Variants in LHPP observed in about 807,000 individuals in gnomAD.
The protein encoded by LHPP is phospholysine phosphohistidine inorganic pyrophosphate phosphatase, also known as hLHPP.
A neutral mutation model predicts 30.3 loss-of-function variants in LHPP; 24 were observed. The observed-to-expected ratio is 0.79, with a 90% CI of 0.57 to 1.11. The LOEUF (loss-of-function observed/expected upper bound fraction) is 1.11, where lower values mean the gene tolerates loss of function less well. LHPP is among the 50% of genes most tolerant of loss of function. LHPP has a pLI of 0.00. For synonymous variants in LHPP, 150 were observed against 157.1 expected, an observed-to-expected ratio of 0.95 and a Z score of 0.34; for missense variants, 356 against 367.2, an observed-to-expected ratio of 0.97 and a Z score of 0.25.
chr10:124,559,579 G>A (rs143330993), intron 6 of LHPP, among the ~76,000 whole-genome samples: 2 of 152,398 alleles, frequency 1.3e-5, no homozygotes, highest in Non-Finnish European at 1.5e-5. Flanking sequence ...GGCTGGTGAG[G>A]CCCAGAGTGT....
intron 6 of LHPP, among the ~76,000 whole-genome samples, chr10:124,600,541 C>T (rs1194820894): frequency 6.6e-6 from 1 of 152,260 alleles, no homozygotes; most frequent in Non-Finnish European, 1.5e-5. Flanking sequence ...AGGAAATTCT[C>T]TGTATCTGGG....
intron 6 of LHPP, among the ~76,000 whole-genome samples, chr10:124,564,584 A>G (rs1015862860): frequency 3.4e-4 from 52 of 152,276 alleles, no homozygotes; most frequent in African/African-American, 1.2e-3. Flanking sequence ...CTGTCTGAAC[A>G]TCAGTCTCCT....
chr10:124,545,183 C>A (rs947483595), intron 6 of LHPP, among the ~76,000 whole-genome samples: 4 of 152,210 alleles, frequency 2.6e-5, no homozygotes, highest in Non-Finnish European at 5.9e-5. Context: ...TGTGCGGCTC[C>A]CTCCAGATGG....
At chr10:124,546,426 G>A (rs1381204515) in intron 6 of LHPP, among the ~76,000 whole-genome samples, 5 of 151,688 alleles carry the variant, frequency 3.3e-5, no homozygotes, top group Admixed American at 6.6e-5. Flanking sequence ...TTTTTGAGAC[G>A]GAGTCTCACT....
At chr10:124,531,095 C>T (rs142464004) in intron 6 of LHPP, among the ~76,000 whole-genome samples, 241 of 152,318 alleles carry the variant, frequency 1.6e-3, no homozygotes, top group African/African-American at 4.7e-3. Context: ...ATGCTGTCTG[C>T]GCCCTTCACC....
At chr10:124,488,363 G>T (rs1953404426) in intron 2 of LHPP, 59 bp from the exon 3 acceptor site, 1 of 1,488,794 alleles carries the variant, frequency 6.7e-7, no homozygotes, top group South Asian at 1.2e-5. Context: ...TAGGAGATGG[G>T]GAGGTAGGCC....
At chr10:124,513,462 CTTTTTTTTT>C (rs34225779) in intron 5 of LHPP, among the ~76,000 whole-genome samples, 1 of 92,218 alleles carries the variant, frequency 1.1e-5, no homozygotes, top group Non-Finnish European at 1.9e-5. Context: ...ATTATTATTA[CTTTTTTTTT>C]TTTTTTTTTT....
chr10:124,602,579 G>A (rs778237826), intron 6 of LHPP, among the ~76,000 whole-genome samples: 6 of 150,426 alleles, frequency 4.0e-5, no homozygotes, highest in Non-Finnish European at 7.4e-5. Context: ...AGGGCTCAGA[G>A]CCCTGGGGGA....
chr10:124,547,879 C>T (rs1955392265), intron 6 of LHPP, among the ~76,000 whole-genome samples: 2 of 152,240 alleles, frequency 1.3e-5, no homozygotes, highest in African/African-American at 4.8e-5. Flanking sequence ...TGGCTTGTAA[C>T]AGTGAGTGGA....
chr10:124,580,915 C>T (rs984332922), intron 6 of LHPP, among the ~76,000 whole-genome samples: 12 of 152,122 alleles, frequency 7.9e-5, no homozygotes, highest in Admixed American at 2.0e-4. Flanking sequence ...GACGGGGTTT[C>T]GCCATGTTGG....
At chr10:124,549,272 T>TA (rs998892183) in intron 6 of LHPP, among the ~76,000 whole-genome samples, 13 of 151,934 alleles carry the variant, frequency 8.6e-5, no homozygotes, top group African/African-American at 2.9e-4. Flanking sequence ...TCTGTCTCTA[T>TA]AAAAAAATAA....
intron 6 of LHPP, among the ~76,000 whole-genome samples, chr10:124,525,419 C>G (rs1215474391): frequency 6.6e-6 from 1 of 152,228 alleles, no homozygotes; most frequent in Non-Finnish European, 1.5e-5. Flanking sequence ...TTTATGCCCC[C>G]ACCACGGGGG....
At chr10:124,520,788 G>A (rs559046319) in intron 6 of LHPP, among the ~76,000 whole-genome samples, 4 of 152,302 alleles carry the variant, frequency 2.6e-5, no homozygotes, top group African/African-American at 9.6e-5. Context: ...ACACAGTAGC[G>A]GCGAGCCGCA....
chr10:124,564,852 C>T (rs1483337529), intron 6 of LHPP, among the ~76,000 whole-genome samples: 1 of 152,192 alleles, frequency 6.6e-6, no homozygotes, highest in Non-Finnish European at 1.5e-5. Flanking sequence ...GAATTAACAG[C>T]ATTTGCAATG....
chr10:124,557,729 C>T (rs1380988179), intron 6 of LHPP, among the ~76,000 whole-genome samples: 1 of 152,048 alleles, frequency 6.6e-6, no homozygotes, highest in Non-Finnish European at 1.5e-5. Flanking sequence ...TTGGTGGAGT[C>T]ACATGATGCC....
intron 6 of LHPP, among the ~76,000 whole-genome samples, chr10:124,549,437 CAA>C (rs771160755): frequency 1.4e-4 from 17 of 122,870 alleles, no homozygotes; most frequent in Non-Finnish European, 1.4e-4. Context: ...GACCCTGTCT[CAA>C]AAAAAAAAAA....
At position 124,510,052 on chromosome 10, in the gene LHPP, G is replaced by A. The variant is rs914259103; in HGVS notation, c.625-7128G>A. Among the ~76,000 whole-genome samples, 16 of 151,986 alleles carry A rather than the reference G, an allele frequency of 1.1e-4. No individual in the cohort carries two copies. Among genetic ancestry groups the A allele is most frequent in the East Asian group, 1.9e-4 (1 of 5,174 alleles). ...GGACACCTGCCTCTGGGACTGTGGC[G>A]CCTCCATCCGGCTCTCTGGATCCTG... On this transcript the variant is annotated intron_variant, in intron 5 of 6. Coordinates refer to ENST00000368842, the MANE Select transcript of LHPP (RefSeq NM_022126.4). The surrounding 1 kb of genome is among the most constrained non-coding windows in gnomAD (Gnocchi z 4.0).
At position 124,590,659 on chromosome 10, in the gene LHPP, G is replaced by A. The variant is rs562084374; in HGVS notation, c.717-22605G>A. ...CCGCACAGTGTACCTGTCCCACAGTGGCACCAACAAGGCTCAGCTGAGCCC... is the reference window on the plus strand; with the variant it reads ...CCGCACAGTGTACCTGTCCCACAGTAGCACCAACAAGGCTCAGCTGAGCCC... On this transcript the variant is annotated intron_variant, in intron 6 of 6. Transcript: ENST00000368842. This position sits in a 1 kb window ranked among gnomAD's most constrained non-coding sequence, Gnocchi z 4.3. Among the ~76,000 whole-genome samples, 3 of 152,336 alleles carry A rather than the reference G, an allele frequency of 2.0e-5. No individual in the cohort carries two copies. The East Asian group carries it at 5.8e-4, about 29-fold the overall frequency.
intron 6 of LHPP, among the ~76,000 whole-genome samples, chr10:124,521,606 C>T (rs991420345): frequency 4.6e-5 from 7 of 151,880 alleles, no homozygotes; most frequent in Non-Finnish European, 1.0e-4. Flanking sequence ...GGAGGGGTGG[C>T]CTTGTCCTGG....
Sources: gnomAD v4.1 joint callset for allele counts (sites outside exome capture counted in the v4.1 genomes callset) on GRCh38, gnomAD v4.1.1 for gene constraint, Gnocchi (gnomAD v3.1) non-coding constraint, MANE v1.5 for transcripts, NCBI Gene and HGNC (gene_info 2026-07-23, HGNC 2026-07-21) for gene names.